STOX1: variants seen among roughly 807,000 people sequenced by gnomAD.
STOX1 encodes storkhead box 1.
STOX1 carries 57 observed loss-of-function variants against 74.8 expected under a neutral mutation model. The ratio of observed to expected loss-of-function variants is 0.76; its 90% CI spans 0.62 to 0.95. STOX1 has a LOEUF of 0.95. STOX1 is among the 40% of genes least tolerant of loss of function. STOX1 has a pLI of 0.00. For synonymous variants in STOX1, 375 were observed against 401.3 expected (o/e 0.93, Z 0.78); for missense variants, 1,010 against 1,117.0 (o/e 0.90, Z 1.37).
At chr10:68,860,942 C>A (rs1369089774) in intron 1 of STOX1, among the ~76,000 whole-genome samples, 1 of 152,084 alleles carries the variant, frequency 6.6e-6, no homozygotes, top group Admixed American at 6.5e-5. Context: ...GGCGCGGTGG[C>A]TCACACCTGT....
intron 1 of STOX1, among the ~76,000 whole-genome samples, chr10:68,855,293 G>A (rs1464476323): frequency 1.3e-5 from 2 of 151,658 alleles, no homozygotes; most frequent in Admixed American, 6.6e-5. Flanking sequence ...GCTAATTTTT[G>A]TATTTTTAGT....
chr10:68,838,874 C>T (rs1839624131), intron 1 of STOX1, among the ~76,000 whole-genome samples: 1 of 150,282 alleles, frequency 6.7e-6, no homozygotes, highest in Admixed American at 6.6e-5. Flanking sequence ...TGCACCACTG[C>T]ACTCCAGCCT....
rs1436208495 is a variant in STOX1 at position 68,858,080 on chromosome 10, G to A, written c.311-23878G>A. On this transcript the variant is annotated intron_variant, in intron 1 of 3. Transcript: ENST00000298596. Reference sequence around the variant, plus strand: ...TGAGTTCTTGTCTAGAATGGGGTTAGGTTGTTGTGTCAGTGTGCAAAGTCC... The same window carrying A: ...TGAGTTCTTGTCTAGAATGGGGTTAAGTTGTTGTGTCAGTGTGCAAAGTCC... Among the ~76,000 whole-genome samples the A allele has an allele frequency of 2.0e-5, 3 of 152,120 alleles. No homozygotes were observed. The South Asian group carries it at 6.2e-4, about 31-fold the overall frequency.
rs533484953 is a variant in STOX1, at chr10:68,833,233, G to A, written c.310+5300G>A. On this transcript the variant is annotated intron_variant, in intron 1 of 3. Transcript: ENST00000298596. Reference sequence around the variant, plus strand: ...CCCGAGTAGCTGGGACTATAGGCGCGTGCCAGCACGCCCGGCTAAGTTTTT... The same window carrying A: ...CCCGAGTAGCTGGGACTATAGGCGCATGCCAGCACGCCCGGCTAAGTTTTT... Among the ~76,000 whole-genome samples the A allele has an allele frequency of 3.3e-5, 5 of 152,084 alleles. 1 individual carries two copies. Among genetic ancestry groups the A allele is most frequent in the East Asian group, 3.9e-4 (2 of 5,148 alleles).
rs374568350 is a variant in STOX1, at chr10:68,886,202, C to T, written c.2406C>T (p.Pro802=). The change falls in exon 3 of 4, where the codon CCC becomes CCT. Residue 802 remains proline, a synonymous_variant. Transcript: ENST00000298596. ...TTAAAAGAAATGAATGCTACAAACCCACTGGGCTGCATGCTACCCCAGGTG... is the reference window on the plus strand; with the variant it reads ...TTAAAAGAAATGAATGCTACAAACCTACTGGGCTGCATGCTACCCCAGGTG... ...QVLKRNECYK[P]TGLHATPGES... The T allele has an allele frequency of 6.2e-7, 1 of 1,614,142 alleles. No individual in the cohort carries two copies. The highest frequency in any genetic ancestry group is 2.2e-5 in the East Asian group (1 of 44,886).
chr10:68,835,660 T>C (rs1167028463), intron 1 of STOX1, among the ~76,000 whole-genome samples: 1 of 152,148 alleles, frequency 6.6e-6, no homozygotes, highest in Non-Finnish European at 1.5e-5. Flanking sequence ...CTGGCCTGTT[T>C]TTAAACACAT....
In STOX1 at chr10:68,881,952, A is replaced by G. The variant is rs769000779; in HGVS notation, c.311-6A>G. ...CCTCCCCCTTTTTTTTAAATCTCCA[A>G]TTTAGGTGATGTCTTTCCAGTGCAA... On this transcript the variant is annotated splice_polypyrimidine_tract_variant and splice_region_variant and intron_variant, in intron 1 of 3. Transcript: ENST00000298596. 1.7e-5 allele frequency: 27 copies of G among 1,613,522 alleles called. No individual in the cohort carries two copies. The highest frequency in any genetic ancestry group is 2.3e-5 in the Non-Finnish European group (27 of 1,179,830).
chr10:68,885,672 T>G lies in STOX1; in HGVS notation c.1876T>G (p.Ser626Ala). The change falls in exon 3 of 4, where the codon TCC becomes GCC. Residue 626 changes from serine (S) to alanine (A), a missense_variant. Ser to Ala is a moderately conservative substitution (Grantham distance 99). Transcript: ENST00000298596. Reference protein sequence around the residue: ...VIPEVLRKSHSHFDKLGETKQ... With the variant: ...VIPEVLRKSHAHFDKLGETKQ... ...TCCTGAAGTCTTGAGGAAAAGTCAT[T>G]CCCACTTTGACAAATTAGGGGAGAC... is the stretch of plus-strand genomic sequence containing the variant. The G allele has an allele frequency of 6.2e-7, 1 of 1,614,098 alleles. No homozygotes were observed. The highest frequency in any genetic ancestry group is 1.1e-5 in the South Asian group (1 of 91,084).
intron 1 of STOX1, among the ~76,000 whole-genome samples, chr10:68,847,741 T>C (rs1839888929): frequency 6.7e-6 from 1 of 148,150 alleles, no homozygotes; most frequent in Non-Finnish European, 1.5e-5. Flanking sequence ...TTTTGTTTTG[T>C]TTTTTGAGAC....
chr10:68,833,641 G>A (rs937182421), intron 1 of STOX1, among the ~76,000 whole-genome samples: 9 of 152,096 alleles, frequency 5.9e-5, no homozygotes, highest in African/African-American at 1.4e-4. Flanking sequence ...ATACAATGTC[G>A]GGAATCTGTA....
intron 1 of STOX1, among the ~76,000 whole-genome samples, chr10:68,837,124 T>G (rs1839576627): frequency 6.6e-6 from 1 of 152,148 alleles, no homozygotes; most frequent in Admixed American, 6.5e-5. Flanking sequence ...AAGGAGCTCA[T>G]AGTCTAGGGA....
At chr10:68,880,429 A>G (rs192122108) in intron 1 of STOX1, among the ~76,000 whole-genome samples, 142 of 152,160 alleles carry the variant, frequency 9.3e-4, no homozygotes, top group African/African-American at 3.2e-3. Context: ...TGATCTCCCT[A>G]AAGTGTTGGG....
rs1004726833 is a variant in STOX1 at position 68,845,891 on chromosome 10, C to T, written c.310+17958C>T. ...TGCTGGGATTATAGGTGTGACCCAC[C>T]GCACCCAGCCCCAATTTTTGTATTT... On this transcript the variant is annotated intron_variant, in intron 1 of 3. Coordinates refer to ENST00000298596, the MANE Select transcript of STOX1 (RefSeq NM_152709.5). Among the ~76,000 whole-genome samples, 38 of 151,762 alleles carry T rather than the reference C, an allele frequency of 2.5e-4. 2 individuals carry two copies. In the South Asian group the frequency reaches 3.1e-3, roughly 13 times the overall value.
intron 1 of STOX1, among the ~76,000 whole-genome samples, chr10:68,857,227 T>C (rs1304501113): frequency 1.3e-5 from 2 of 151,888 alleles, no homozygotes; most frequent in Non-Finnish European, 2.9e-5. Flanking sequence ...TGATGAAAGA[T>C]GGAAAAATCT....
intron 1 of STOX1, among the ~76,000 whole-genome samples, chr10:68,877,262 A>G (rs548878236): frequency 6.6e-6 from 1 of 152,318 alleles, no homozygotes; most frequent in South Asian, 2.1e-4. Flanking sequence ...CACTCTTTTA[A>G]AATACCCATC....
chr10:68,848,618 G>A (rs1839908900), intron 1 of STOX1, among the ~76,000 whole-genome samples: 1 of 152,156 alleles, frequency 6.6e-6, no homozygotes, highest in African/African-American at 2.4e-5. Flanking sequence ...AAGCACTTAG[G>A]AGAGGGCCCA....
intron 1 of STOX1, among the ~76,000 whole-genome samples, chr10:68,846,114 AG>A: frequency 9.6e-6 from 1 of 103,722 alleles, no homozygotes; most frequent in African/African-American, 3.4e-5. Flanking sequence ...TTATGGCTTG[AG>A]GTTTTTATTA....
At chr10:68,845,019 T>G (rs1483999316) in intron 1 of STOX1, among the ~76,000 whole-genome samples, 1 of 152,186 alleles carries the variant, frequency 6.6e-6, no homozygotes, top group Middle Eastern at 3.2e-3. Context: ...CTCCTCGGCC[T>G]CCCAGAGTGC....
At chr10:68,835,190 T>C (rs1839513619) in intron 1 of STOX1, among the ~76,000 whole-genome samples, 1 of 150,412 alleles carries the variant, frequency 6.6e-6, no homozygotes, top group South Asian at 2.1e-4. Context: ...TACAGGCGCC[T>C]GCCACCATGC....
Sources: allele counts gnomAD v4.1 joint callset (sites outside exome capture counted in the v4.1 genomes callset), GRCh38; gene constraint gnomAD v4.1.1; transcripts MANE v1.5; gene names NCBI Gene and HGNC (gene_info 2026-07-23, HGNC 2026-07-21).